The following FOXP2 variants were observed in gnomAD, a reference collection of about 807,000 sequenced individuals.
The protein encoded by FOXP2 is forkhead box protein P2.
FOXP2 carries 12 observed loss-of-function variants against 115.8 expected under a neutral mutation model. The ratio of observed to expected loss-of-function variants is 0.10; its 90% CI spans 0.07 to 0.17. The LOEUF is 0.17. FOXP2 is among the 10% of genes least tolerant of loss of function. The probability of loss-of-function intolerance (pLI) is 1.00; values close to 1 mark genes in which losing one functional copy is unlikely to be tolerated. For missense variants in FOXP2, 629 were observed against 843.5 expected (o/e 0.75, Z 3.15); for synonymous variants, 328 against 297.7 (o/e 1.10, Z -1.05).
intron 3 of FOXP2, among the ~76,000 whole-genome samples, chr7:114,557,823 A>G (rs927261758): frequency 6.6e-6 from 1 of 150,950 alleles, no homozygotes. Flanking sequence ...TTATTTATTT[A>G]TTTAGAGATG....
intron 2 of FOXP2, among the ~76,000 whole-genome samples, chr7:114,518,367 T>C (rs1163983042): frequency 6.6e-6 from 1 of 152,212 alleles, no homozygotes; most frequent in African/African-American, 2.4e-5. Context: ...TTTATGTTTT[T>C]TCCCCAAGTG....
intron 1 of FOXP2, among the ~76,000 whole-genome samples, chr7:114,200,925 C>T (rs960517486): frequency 5.9e-5 from 9 of 152,090 alleles, no homozygotes; most frequent in Non-Finnish European, 1.0e-4. Context: ...GAGGCTGAGG[C>T]GGGTGGATCA....
chr7:114,099,982 T>A (rs1034604238), intron 1 of FOXP2, among the ~76,000 whole-genome samples: 1 of 152,222 alleles, frequency 6.6e-6, no homozygotes, highest in Non-Finnish European at 1.5e-5. Context: ...ACTATAGTAA[T>A]CTTTCTACTG....
At chr7:114,145,532 A>G (rs1040765394) in intron 1 of FOXP2, among the ~76,000 whole-genome samples, 1 of 124,984 alleles carries the variant, frequency 8.0e-6, no homozygotes, top group African/African-American at 3.2e-5. Context: ...TTTGTTGCCC[A>G]AGCTGGAGTG....
At chr7:114,102,756 A>G (rs960936248) in intron 1 of FOXP2, among the ~76,000 whole-genome samples, 3 of 149,908 alleles carry the variant, frequency 2.0e-5, no homozygotes, top group African/African-American at 7.5e-5. Flanking sequence ...TCATATAAAT[A>G]TAGACATATC....
rs138191018 is a variant in FOXP2, at chr7:114,300,226, C to T, written c.-11+12117C>T. ...CCATATTTCCTTACATCACAGATGA[C>T]GATTCAATCTATATAACCATAGGAA... On this transcript the variant is annotated intron_variant, in intron 2 of 17. Coordinates refer to the FOXP2 transcript ENST00000634411. Among the ~76,000 whole-genome samples the T allele has an allele frequency of 7.8e-4, 118 of 151,966 alleles. 2 individuals are homozygous for T. In the East Asian group the frequency reaches 0.022, roughly 28 times the overall value.
intron 1 of FOXP2, among the ~76,000 whole-genome samples, chr7:114,200,051 C>T (rs1794020507): frequency 1.3e-5 from 2 of 152,020 alleles, no homozygotes; most frequent in Admixed American, 1.3e-4. Context: ...TCTACTTTTC[C>T]TTCACATTAG....
At chr7:114,502,938 A>G (rs1418528288) in intron 2 of FOXP2, among the ~76,000 whole-genome samples, 1 of 152,068 alleles carries the variant, frequency 6.6e-6, no homozygotes, top group Non-Finnish European at 1.5e-5. Flanking sequence ...GGCCAAATAG[A>G]TGCAAGGGAA....
intron 2 of FOXP2, among the ~76,000 whole-genome samples, chr7:114,390,846 C>T (rs934072058): frequency 2.0e-5 from 3 of 152,086 alleles, no homozygotes; most frequent in Admixed American, 1.3e-4. Context: ...TGTGGGCCAC[C>T]TTACCCAGCC....
intron 1 of FOXP2, among the ~76,000 whole-genome samples, chr7:114,228,679 T>A (rs1794799936): frequency 6.6e-6 from 1 of 151,818 alleles, no homozygotes; most frequent in African/African-American, 2.4e-5. Flanking sequence ...TAAGTTGTTA[T>A]CAGCTTAAGA....
chr7:114,266,124 C>A (rs1795889504), intron 1 of FOXP2, among the ~76,000 whole-genome samples: 1 of 152,000 alleles, frequency 6.6e-6, no homozygotes, highest in Non-Finnish European at 1.5e-5. Flanking sequence ...CTGTCCATAT[C>A]ACTATTAGCA....
At chr7:114,361,002 C>T (rs1012974835) in intron 2 of FOXP2, among the ~76,000 whole-genome samples, 2 of 152,064 alleles carry the variant, frequency 1.3e-5, no homozygotes, top group Non-Finnish European at 2.9e-5. Flanking sequence ...TTTGTTTAGT[C>T]TCATTAACAC....
At chr7:114,517,528 C>T (rs1562971322) in intron 2 of FOXP2, among the ~76,000 whole-genome samples, 1 of 152,118 alleles carries the variant, frequency 6.6e-6, no homozygotes. Flanking sequence ...TCTGCATATC[C>T]AGAAGATATC....
chr7:114,347,456 T>C (rs1791374535), intron 2 of FOXP2, among the ~76,000 whole-genome samples: 1 of 151,990 alleles, frequency 6.6e-6, no homozygotes, highest in African/African-American at 2.4e-5. Context: ...GTTTATTCCA[T>C]TGATTGATCA....
intron 3 of FOXP2, among the ~76,000 whole-genome samples, chr7:114,595,446 G>C (rs1056837833): frequency 2.0e-5 from 3 of 151,838 alleles, no homozygotes; most frequent in African/African-American, 7.3e-5. Flanking sequence ...TATGAAATTG[G>C]GTATAAAAAG....
chr7:114,455,211 A>G (rs1407028346), intron 2 of FOXP2, among the ~76,000 whole-genome samples: 1 of 152,160 alleles, frequency 6.6e-6, no homozygotes. Flanking sequence ...TGCATTTAAA[A>G]CTTTTCCTAA....
chr7:114,123,401 T>C (rs1005475906), intron 1 of FOXP2, among the ~76,000 whole-genome samples: 46 of 150,686 alleles, frequency 3.1e-4, no homozygotes, highest in African/African-American at 1.1e-3. Context: ...AGAACCACCA[T>C]ATTTCTGAGG....
At position 114,591,062 on chromosome 7, in the gene FOXP2, C is replaced by T. The variant is rs540536712; in HGVS notation, c.259-37478C>T. ...CTCAAACCAGTCCAATAATCATTTT[C>T]TTTCCATATGTGCCAAAGATATCCT... On this transcript the variant is annotated intron_variant, in intron 3 of 16. Transcript: ENST00000350908. 9.2e-5 allele frequency among the ~76,000 whole-genome samples: 14 copies of T among 152,172 alleles called. No individual in the cohort carries two copies. In the East Asian group the frequency reaches 2.3e-3, roughly 25 times the overall value.
intron 2 of FOXP2, among the ~76,000 whole-genome samples, chr7:114,503,758 T>C (rs1448969666): frequency 6.6e-6 from 1 of 151,442 alleles, no homozygotes; most frequent in Non-Finnish European, 1.5e-5. Flanking sequence ...CATATTATTT[T>C]ATTCTTCTGA....
Sources: allele counts gnomAD v4.1 joint callset (sites outside exome capture counted in the v4.1 genomes callset), GRCh38; gene constraint gnomAD v4.1.1; transcripts MANE v1.5; gene names NCBI Gene and HGNC (gene_info 2026-07-23, HGNC 2026-07-21).